Variants in RNF144B observed in about 807,000 individuals in gnomAD.
RNF144B encodes the protein ring finger protein 144B, also known as E3 ubiquitin-protein ligase RNF144B.
Under a neutral mutation model 40.2 loss-of-function variants are expected in RNF144B, and 25 were observed. The ratio of observed to expected loss-of-function variants is 0.62; its 90% CI spans 0.45 to 0.87. The LOEUF (loss-of-function observed/expected upper bound fraction) is 0.87. Ranked by LOEUF, RNF144B falls within the 40% of genes least tolerant of loss-of-function variation. The probability of loss-of-function intolerance (pLI) is 0.00; values close to 1 mark genes in which losing one functional copy is unlikely to be tolerated. For missense variants in RNF144B, 365 were observed against 373.7 expected, an observed-to-expected ratio of 0.98 and a Z score of 0.19; for synonymous variants, 145 against 136.3, an observed-to-expected ratio of 1.06 and a Z score of -0.44.
At position 18,465,033 on chromosome 6, in the gene RNF144B, G is replaced by T. The variant is rs34972337; in HGVS notation, c.878G>T (p.Gly293Val). ...TGTTGTGTCTGCAAGTCCTGTCGGG[G>T]CAAGAAGAAAAAGCACGACCCATCC... is the stretch of plus-strand genomic sequence containing the variant. Reference protein sequence around the residue: ...IICCVCKSCRGKKKKHDPSTT With the variant: ...IICCVCKSCRVKKKKHDPSTT The change falls in exon 8 of 8, where the codon GGC becomes GTC. Residue 293 changes from glycine (G) to valine (V), a missense_variant. Physicochemically the swap from Gly to Val is moderately radical, Grantham distance 109. Transcript: ENST00000259939. The T allele has an allele frequency of 5.6e-4, 896 of 1,613,690 alleles. 8 individuals are homozygous for T. The African/African-American group carries it at 0.011, about 19-fold the overall frequency.
At position 18,459,819 on chromosome 6, in the gene RNF144B, C is replaced by T; in HGVS notation, c.681+68C>T. The T allele has an allele frequency of 7.1e-7, 1 of 1,407,248 alleles. No individual in the cohort carries two copies. The highest frequency in any genetic ancestry group is 9.6e-7 in the Non-Finnish European group (1 of 1,042,662). 87.2% of individuals were successfully genotyped at this position (1,407,248 alleles called of 1,614,324 possible). On this transcript the variant is annotated intron_variant, in intron 6 of 7. Coordinates refer to ENST00000259939, the MANE Select transcript of RNF144B (RefSeq NM_182757.4). The surrounding 1 kb of genome is among the most constrained non-coding windows in gnomAD (Gnocchi z 4.2). ...TATCTGCACCACAGCTGATATCCTA[C>T]AGATTTTCCTTTAAAATATTGGGGC...
Position 18,444,510 on chromosome 6 carries a change from C to T in RNF144B, c.331+4766C>T, listed in dbSNP as rs367984123. On this transcript the variant is annotated intron_variant, in intron 4 of 7. Transcript: ENST00000259939. The surrounding 1 kb of genome is among the most constrained non-coding windows in gnomAD (Gnocchi z 4.3). ...TAAGATGATCCATCTTGAGTTCTTA[C>T]GCACTTTTCCTTTTTTTGTGACCCT... Among the ~76,000 whole-genome samples, 1 of 151,992 alleles carries T rather than the reference C, an allele frequency of 6.6e-6. No individual in the cohort carries two copies. The highest frequency in any genetic ancestry group is 1.5e-5 in the Non-Finnish European group (1 of 67,994).
rs1758989644 is a variant in RNF144B at position 18,442,638 on chromosome 6, A to G, written c.331+2894A>G. On this transcript the variant is annotated intron_variant, in intron 4 of 7. Coordinates refer to ENST00000259939, the MANE Select transcript of RNF144B (RefSeq NM_182757.4). This position sits in a 1 kb window ranked among gnomAD's most constrained non-coding sequence, Gnocchi z 4.3. ...ATTACATTCATACAGTTGTGCAGCC[A>G]TCACCACTGCTTCTAAAGCTCTTTC... 6.6e-6 allele frequency among the ~76,000 whole-genome samples: 1 copy of G among 152,222 alleles called. No individual in the cohort carries two copies. The highest frequency in any genetic ancestry group is 1.5e-5 in the Non-Finnish European group (1 of 68,038).
In RNF144B at chr6:18,396,426, A is replaced by G. The variant is rs78045548; in HGVS notation, c.-36-3073A>G. 9,396 of 981,346 alleles carry G rather than the reference A, an allele frequency of 9.6e-3. 47 individuals carry two copies. Among genetic ancestry groups the G allele is most frequent in the Middle Eastern group, 0.014 (26 of 1,910 alleles). The allele number at this position is 981,346 out of a possible 1,614,324, so 60.8% of individuals were successfully genotyped here. A position where few individuals can be genotyped will look rare whatever the true frequency, so the allele number is the denominator to read the frequency against. ...TAATATTTCCTTCTAAAAAAATAAT[A>G]TAGAGTAAGACTGAGAAATACTTGG... On this transcript the variant is annotated intron_variant, in intron 1 of 7. Coordinates refer to ENST00000259939, the MANE Select transcript of RNF144B (RefSeq NM_182757.4).
At chr6:18,424,093 G>C (rs568763586) in intron 2 of RNF144B, among the ~76,000 whole-genome samples, 37 of 152,158 alleles carry the variant, frequency 2.4e-4, no homozygotes, top group African/African-American at 8.4e-4. Context: ...CTCTTTATAA[G>C]CTAGATGCCA....
chr6:18,411,479 A>ATG, intron 2 of RNF144B, among the ~76,000 whole-genome samples: 1 of 34,378 alleles, frequency 2.9e-5, no homozygotes, highest in South Asian at 1.4e-3. Context: ...ATATATATAT[A>ATG]TATATATATA....
At chr6:18,387,725 C>A in intron 1 of RNF144B, 95 bp downstream of exon 1, 1 of 1,072,850 alleles carries the variant, frequency 9.3e-7, no homozygotes, top group Non-Finnish European at 1.2e-6. Context: ...CACTGTGACA[C>A]CACAATTTTT....
Position 18,406,501 on chromosome 6 carries a change from T to TGTGTGTGTGTG in RNF144B, c.165+6802_165+6803insGTGTGTGTGTG, listed in dbSNP as rs1794912342. Among the ~76,000 whole-genome samples the TGTGTGTGTGTG allele has an allele frequency of 9.7e-6, 1 of 102,694 alleles. No homozygotes were observed. Among genetic ancestry groups the TGTGTGTGTGTG allele is most frequent in the African/African-American group, 4.0e-5 (1 of 24,990 alleles). The allele number at this position is 102,694 out of a possible 152,430, so 67.4% of individuals were successfully genotyped here. On this transcript the variant is annotated intron_variant, in intron 2 of 7. Transcript: ENST00000259939. The surrounding 1 kb of genome is among the most constrained non-coding windows in gnomAD (Gnocchi z 4.2). ...GTGTGTGTGTGTGTGTGTGTGTGTG[T>TGTGTGTGTGTG]AGGGGGAGTAGTAGGAGATGAAGGC...
chr6:18,388,834 T>C (rs1411526197), intron 1 of RNF144B, among the ~76,000 whole-genome samples: 2 of 151,616 alleles, frequency 1.3e-5, no homozygotes, highest in Non-Finnish European at 2.9e-5. Flanking sequence ...GTCGTGGGCA[T>C]AAACTTAGAA....
At chr6:18,433,914 A>T (rs1032713586) in intron 3 of RNF144B, among the ~76,000 whole-genome samples, 1 of 152,192 alleles carries the variant, frequency 6.6e-6, no homozygotes, top group African/African-American at 2.4e-5. Flanking sequence ...TTAGACATTG[A>T]TCCGCACAGT....
rs1029020833 is a variant in RNF144B, at chr6:18,450,333, T to G, written c.332-6822T>G. On this transcript the variant is annotated intron_variant, in intron 4 of 7. Coordinates refer to ENST00000259939, the MANE Select transcript of RNF144B (RefSeq NM_182757.4). This position sits in a 1 kb window ranked among gnomAD's most constrained non-coding sequence, Gnocchi z 4.7. ...TTTTTTTTTAGATGGAGTCTTGCTC[T>G]GTCACCCAGGCTGGAGTGCAGTGGC... is the stretch of plus-strand genomic sequence containing the variant. Among the ~76,000 whole-genome samples, 1 of 152,032 alleles carries G rather than the reference T, an allele frequency of 6.6e-6. No homozygotes were observed. Among genetic ancestry groups the G allele is most frequent in the Non-Finnish European group, 1.5e-5 (1 of 67,984 alleles).
At position 18,447,316 on chromosome 6, in the gene RNF144B, G is replaced by A. The variant is rs1461722985; in HGVS notation, c.331+7572G>A. On this transcript the variant is annotated intron_variant, in intron 4 of 7. Coordinates refer to ENST00000259939, the MANE Select transcript of RNF144B (RefSeq NM_182757.4). The surrounding 1 kb of genome is among the most constrained non-coding windows in gnomAD (Gnocchi z 5.6). ...AGCCCCTGAGGCAAGAACAAGCCTG[G>A]TTTCTGTTTGAGAAACAGCAAGGAG... Among the ~76,000 whole-genome samples the A allele has an allele frequency of 6.6e-6, 1 of 152,120 alleles. No homozygotes were observed. The highest frequency in any genetic ancestry group is 2.4e-5 in the African/African-American group (1 of 41,440).
At chr6:18,462,668 T>C (rs1421198177) in intron 6 of RNF144B, among the ~76,000 whole-genome samples, 3 of 151,924 alleles carry the variant, frequency 2.0e-5, no homozygotes, top group Admixed American at 1.3e-4. Context: ...CCAAGTTTTT[T>C]TTTTTTTCAG....
chr6:18,409,389 A>C (rs1794984021), intron 2 of RNF144B, among the ~76,000 whole-genome samples: 1 of 150,068 alleles, frequency 6.7e-6, no homozygotes, highest in Admixed American at 6.6e-5. Context: ...AAAAAAAAAA[A>C]AAAAAAAAAA....
chr6:18,388,060 T>G (rs2113446426), intron 1 of RNF144B, among the ~76,000 whole-genome samples: 1 of 152,304 alleles, frequency 6.6e-6, no homozygotes, highest in Non-Finnish European at 1.5e-5. Context: ...TGATTGTCGT[T>G]TGTGCAGGGA....
intron 1 of RNF144B, among the ~76,000 whole-genome samples, chr6:18,392,573 G>C (rs7757283): frequency 0.36 from 54,949 of 151,784 alleles, 10,378 homozygotes; most frequent in South Asian, 0.5. Flanking sequence ...TGCCATCCTA[G>C]AAACTGTTGA....
rs1361185379 is a variant in RNF144B, at chr6:18,412,249, C to G, written c.165+12550C>G. On this transcript the variant is annotated intron_variant, in intron 2 of 7. Coordinates refer to ENST00000259939, the MANE Select transcript of RNF144B (RefSeq NM_182757.4). The surrounding 1 kb of genome is among the most constrained non-coding windows in gnomAD (Gnocchi z 4.2). ...GAACAGAGGCCTCTCTTTTGACACTCCGGGTATTTTCCAACTTTTCACCTT... is the reference window on the plus strand; with the variant it reads ...GAACAGAGGCCTCTCTTTTGACACTGCGGGTATTTTCCAACTTTTCACCTT... Among the ~76,000 whole-genome samples, 1 of 152,146 alleles carries G rather than the reference C, an allele frequency of 6.6e-6. No homozygotes were observed. Among genetic ancestry groups the G allele is most frequent in the Non-Finnish European group, 1.5e-5 (1 of 68,028 alleles).
intron 4 of RNF144B, among the ~76,000 whole-genome samples, chr6:18,439,999 G>T (rs1221209598): frequency 6.6e-6 from 1 of 152,046 alleles, no homozygotes; most frequent in Non-Finnish European, 1.5e-5. Context: ...ATGTAAGAAA[G>T]GTTTTGCAAA....
At position 18,441,173 on chromosome 6, in the gene RNF144B, G is replaced by A. The variant is rs1758956087; in HGVS notation, c.331+1429G>A. ...CCAGATATGATAGCTAAAGATAAGA[G>A]CATCAACCATCTGCCCTGCCATTTT... On this transcript the variant is annotated intron_variant, in intron 4 of 7. Coordinates refer to ENST00000259939, the MANE Select transcript of RNF144B (RefSeq NM_182757.4). The surrounding 1 kb of genome is among the most constrained non-coding windows in gnomAD (Gnocchi z 4.9). Among the ~76,000 whole-genome samples, 2 of 152,084 alleles carry A rather than the reference G, an allele frequency of 1.3e-5. No homozygotes were observed. The highest frequency in any genetic ancestry group is 4.1e-4 in the South Asian group (2 of 4,824).
Sources: allele counts gnomAD v4.1 joint callset (sites outside exome capture counted in the v4.1 genomes callset), GRCh38; gene constraint gnomAD v4.1.1; non-coding constraint Gnocchi (gnomAD v3.1); transcripts MANE v1.5; gene names NCBI Gene and HGNC (gene_info 2026-07-23, HGNC 2026-07-21).